PRKDC: variants seen among roughly 807,000 people sequenced by gnomAD.
PRKDC encodes the protein DNA-dependent protein kinase catalytic subunit.
In PRKDC, 82 loss-of-function variants were observed where a neutral mutation model predicts 486.9. The observed-to-expected ratio is 0.17, with a 90% CI of 0.14 to 0.20. PRKDC has a LOEUF of 0.20. Among genes scored for constraint, PRKDC ranks in the 10% least tolerant of loss-of-function variants. The probability of loss-of-function intolerance (pLI) is 1.00; values close to 1 mark genes in which losing one functional copy is unlikely to be tolerated. For missense variants in PRKDC, 4,504 were observed against 5,038.2 expected, an observed-to-expected ratio of 0.89 and a Z score of 3.21; for synonymous variants, 1,895 against 1,837.0, an observed-to-expected ratio of 1.03 and a Z score of -0.81.
intron 59 of PRKDC, among the ~76,000 whole-genome samples, chr8:47,832,707 G>T (rs928678324): frequency 9.2e-5 from 14 of 152,158 alleles, no homozygotes; most frequent in Non-Finnish European, 2.9e-5. Context: ...TCCAAAAAGA[G>T]AAAACAGCAA....
At chr8:47,849,575 C>A in intron 52 of PRKDC, 72 bp from the exon 53 acceptor site, 1 of 1,526,174 alleles carries the variant, frequency 6.6e-7, no homozygotes, top group Non-Finnish European at 8.8e-7. Context: ...CAAAGTTTAT[C>A]TTGAGTATTT....
At chr8:47,953,084 T>C (rs951450085) in intron 7 of PRKDC, among the ~76,000 whole-genome samples, 36 of 152,034 alleles carry the variant, frequency 2.4e-4, no homozygotes, top group African/African-American at 8.7e-4. Flanking sequence ...GAGGCTGCAG[T>C]GACCTGAGAT....
chr8:47,866,058 A>G (rs2088802011), intron 40 of PRKDC, among the ~76,000 whole-genome samples: 1 of 148,866 alleles, frequency 6.7e-6, no homozygotes, highest in South Asian at 2.2e-4. Flanking sequence ...CAGGAGGCTG[A>G]GGCAGGAGAA....
chr8:47,929,817 A>C, intron 18 of PRKDC, 36 bp downstream of exon 18: 1 of 1,564,776 alleles, frequency 6.4e-7, no homozygotes, highest in East Asian at 2.3e-5. Flanking sequence ...TGACCTAAAA[A>C]AACGCAAGAT....
intron 11 of PRKDC, among the ~76,000 whole-genome samples, chr8:47,938,466 T>C (rs969836878): frequency 6.7e-6 from 1 of 149,590 alleles, no homozygotes; most frequent in African/African-American, 2.5e-5. Context: ...AAGGGAGAGA[T>C]TGTAGGAAGA....
chr8:47,866,028 T>C (rs566945981), intron 40 of PRKDC, among the ~76,000 whole-genome samples: 5 of 151,932 alleles, frequency 3.3e-5, no homozygotes, highest in Admixed American at 3.3e-4. Context: ...TGGTGGCAAA[T>C]GCCTGTAAAC....
At position 47,836,410 on chromosome 8, in the gene PRKDC, C is replaced by T. The variant is rs1186556791; in HGVS notation, c.7879G>A (p.Ala2627Thr). 1.2e-6 allele frequency: 2 copies of T among 1,612,188 alleles called. No homozygotes were observed. The highest frequency in any genetic ancestry group is 3.4e-5 in the Admixed American group (2 of 59,690). Residue 2627 changes from alanine (A) to threonine (T), a missense_variant, in exon 58 of 86, where the codon GCT (alanine) becomes ACT (threonine). Around this residue, in one of 6 missense-constraint regions of PRKDC, gnomAD observed 1,592 missense variants for 1,724.6 expected, o/e 0.92. Coordinates refer to ENST00000314191, the MANE Select transcript of PRKDC (RefSeq NM_006904.7). The part of the protein sequence containing the change: ...QTRTQEGSLS[A>T]RWPVAGQIRA... ...ATCTGCCCTGCCACTGGCCAGCGAG[C>T]TGAGAGGGACCCTTCCTGGGTACGG...
intron 11 of PRKDC, among the ~76,000 whole-genome samples, chr8:47,937,024 C>T (rs961396526): frequency 4.3e-4 from 64 of 149,118 alleles, no homozygotes; most frequent in Non-Finnish European, 1.5e-4. Context: ...GAGGCCGAGG[C>T]GGGCAGATCA....
intron 24 of PRKDC, among the ~76,000 whole-genome samples, chr8:47,912,863 T>C (rs8178059): frequency 6.6e-6 from 1 of 152,240 alleles, no homozygotes; most frequent in African/African-American, 2.4e-5. Flanking sequence ...TGTTAGCACA[T>C]TTTCAACTAT....
rs2089495598 is a variant in PRKDC at position 47,893,024 on chromosome 8, C to A, written c.3847+115G>T. The A allele has an allele frequency of 5.6e-6, 7 of 1,252,914 alleles. No homozygotes were observed. The Admixed American group carries it at 1.7e-4, about 30-fold the overall frequency. The allele number at this position is 1,252,914 out of a possible 1,614,324, so 77.6% of individuals were successfully genotyped here. On this transcript the variant is annotated intron_variant, in intron 31 of 85. Coordinates refer to ENST00000314191, the MANE Select transcript of PRKDC (RefSeq NM_006904.7). ...CAGAGAAGTGACATGAAAGCACGGGCAAGGTGGTGCACAGCACCTACCATC... is the reference window on the plus strand; with the variant it reads ...CAGAGAAGTGACATGAAAGCACGGGAAAGGTGGTGCACAGCACCTACCATC...
chr8:47,928,969 C>G, intron 19 of PRKDC, 123 bp downstream of exon 19: 1 of 776,976 alleles, frequency 1.3e-6, no homozygotes, highest in Non-Finnish European at 2.1e-6. Flanking sequence ...GGATTAAGGG[C>G]ATGAGCCACC....
At chr8:47,953,049 G>A (rs1467061526) in intron 7 of PRKDC, among the ~76,000 whole-genome samples, 2 of 152,134 alleles carry the variant, frequency 1.3e-5, no homozygotes, top group Non-Finnish European at 2.9e-5. Context: ...GCTGAGGCAG[G>A]AGAATCACTT....
At position 47,780,207 on chromosome 8, in the gene PRKDC, G is replaced by A. The variant is rs898242342; in HGVS notation, c.11490-1114C>T. Reference sequence around the variant, plus strand: ...TGGGATTACAGGCGTGAGCTACTGCGCCCAGCCAGTGCCACATCTTTCTTT... The same window carrying A: ...TGGGATTACAGGCGTGAGCTACTGCACCCAGCCAGTGCCACATCTTTCTTT... On this transcript the variant is annotated intron_variant, in intron 80 of 85. Transcript: ENST00000314191. Among the ~76,000 whole-genome samples, 8 of 152,176 alleles carry A rather than the reference G, an allele frequency of 5.3e-5. No individual in the cohort carries two copies. The South Asian group carries it at 1.0e-3, about 20-fold the overall frequency.
chr8:47,930,978 C>CA (rs2154503570), intron 16 of PRKDC, among the ~76,000 whole-genome samples, 191 bp from the exon 17 acceptor site: 1 of 152,234 alleles, frequency 6.6e-6, no homozygotes, highest in South Asian at 2.1e-4. Flanking sequence ...AAGCGTTAAC[C>CA]AAAAGGACTC....
At chr8:47,897,436 G>C in intron 29 of PRKDC, 142 bp from the exon 30 acceptor site, 1 of 822,786 alleles carries the variant, frequency 1.2e-6, no homozygotes, top group Non-Finnish European at 1.8e-6. Context: ...TATTTTTAAT[G>C]TATTATAATT....
chr8:47,859,812 A>T, intron 45 of PRKDC, 53 bp from the exon 46 acceptor site: 1 of 1,480,370 alleles, frequency 6.8e-7, no homozygotes, highest in Non-Finnish European at 9.3e-7. Context: ...ATTAGTAAGA[A>T]ATGTATTTCT....
intron 11 of PRKDC, among the ~76,000 whole-genome samples, chr8:47,938,485 AT>A: frequency 6.6e-6 from 1 of 152,158 alleles, no homozygotes; most frequent in Admixed American, 6.6e-5. Context: ...GAAAAAAGAA[AT>A]CAGTTGTTTT....
intron 62 of PRKDC, 86 bp from the exon 63 acceptor site, chr8:47,826,947 A>G: frequency 1.1e-5 from 14 of 1,312,260 alleles, no homozygotes; most frequent in Non-Finnish European, 1.4e-5. Context: ...TACTAAACAT[A>G]AAAGGTACCC....
chr8:47,902,943 A>G (rs1176089862), intron 26 of PRKDC, 148 bp from the exon 27 acceptor site: 1 of 511,548 alleles, frequency 2.0e-6, no homozygotes, highest in East Asian at 3.1e-5. Flanking sequence ...TAGTAAAACC[A>G]ATCTCCATAG....
Sources: allele counts gnomAD v4.1 joint callset (sites outside exome capture counted in the v4.1 genomes callset), GRCh38; gene constraint gnomAD v4.1.1; regional missense constraint gnomAD v4.1.1; transcripts MANE v1.5; gene names NCBI Gene and HGNC (gene_info 2026-07-23, HGNC 2026-07-21).